The following SLC9A2 variants were observed in gnomAD, a reference collection of about 807,000 sequenced individuals.
The protein encoded by SLC9A2 is sodium/hydrogen exchanger 2.
SLC9A2 carries 42 observed loss-of-function variants against 71.7 expected under a neutral mutation model. The ratio of observed to expected loss-of-function variants is 0.59; its 90% CI spans 0.46 to 0.76. The LOEUF (loss-of-function observed/expected upper bound fraction) is 0.76. SLC9A2 is among the 30% of genes least tolerant of loss of function. The probability of loss-of-function intolerance (pLI) is 0.00; values close to 1 mark genes in which losing one functional copy is unlikely to be tolerated. For missense variants in SLC9A2, 829 were observed against 1,017.4 expected, an observed-to-expected ratio of 0.81 and a Z score of 2.52; for synonymous variants, 396 against 392.5, an observed-to-expected ratio of 1.01 and a Z score of -0.10.
At chr2:102,657,454 C>A in intron 1 of SLC9A2, 110 bp from the exon 2 acceptor site, 1 of 677,958 alleles carries the variant, frequency 1.5e-6, no homozygotes, top group Non-Finnish European at 2.5e-6. Flanking sequence ...GTGATACTGA[C>A]TTGGGAGATG....
intron 6 of SLC9A2, 110 bp downstream of exon 6, chr2:102,694,613 G>T: frequency 2.0e-6 from 1 of 497,056 alleles, no homozygotes; most frequent in Non-Finnish European, 3.6e-6. Context: ...GGAATGGCAG[G>T]GTGAGAGGGA....
At chr2:102,704,984 C>T (rs1677946429) in intron 10 of SLC9A2, among the ~76,000 whole-genome samples, 1 of 152,050 alleles carries the variant, frequency 6.6e-6, no homozygotes, top group South Asian at 2.1e-4. Flanking sequence ...GGTGGATTGC[C>T]TGAGCTCAGG....
rs991743330 is a variant in SLC9A2, at chr2:102,710,186, T to G, written c.*1697T>G. On this transcript the variant is annotated 3_prime_UTR_variant, in exon 12 of 12. Transcript: ENST00000233969. Reference sequence around the variant, plus strand: ...AGAATGCAATTTGAAAACTACAGGCTTAGGACTCTGTGCCAAAAATCTCTA... The same window carrying G: ...AGAATGCAATTTGAAAACTACAGGCGTAGGACTCTGTGCCAAAAATCTCTA... 1.3e-5 allele frequency: 2 copies of G among 152,764 alleles called. No homozygotes were observed. Among genetic ancestry groups the G allele is most frequent in the African/African-American group, 4.8e-5 (2 of 41,456 alleles). 9.5% of individuals were successfully genotyped at this position (152,764 alleles called of 1,614,324 possible). A position where few individuals can be genotyped will look rare whatever the true frequency, so the allele number is the denominator to read the frequency against.
At chr2:102,677,282 C>A (rs1383947131) in intron 3 of SLC9A2, among the ~76,000 whole-genome samples, 14 of 150,648 alleles carry the variant, frequency 9.3e-5, no homozygotes, top group Admixed American at 9.2e-4. Flanking sequence ...CTATTTCCAC[C>A]CACCCTCCCC....
At chr2:102,667,023 G>A (rs977252767) in intron 3 of SLC9A2, among the ~76,000 whole-genome samples, 11 of 152,146 alleles carry the variant, frequency 7.2e-5, no homozygotes, top group Non-Finnish European at 1.2e-4. Context: ...AAGCAGATGA[G>A]GTTTGTGGTG....
At chr2:102,673,586 G>A (rs1389270715) in intron 3 of SLC9A2, among the ~76,000 whole-genome samples, 1 of 152,032 alleles carries the variant, frequency 6.6e-6, no homozygotes, top group Non-Finnish European at 1.5e-5. Flanking sequence ...GTATTTTTGT[G>A]TAACTGAAAA....
chr2:102,709,059 A>G lies in SLC9A2; in HGVS notation c.*570A>G, dbSNP rs1300765531. 6.5e-6 allele frequency: 1 copy of G among 153,424 alleles called. No homozygotes were observed. The highest frequency in any genetic ancestry group is 1.5e-5 in the Non-Finnish European group (1 of 68,846). The allele number at this position is 153,424 out of a possible 1,614,324, so 9.5% of individuals were successfully genotyped here. A position where few individuals can be genotyped will look rare whatever the true frequency, so the allele number is the denominator to read the frequency against. On this transcript the variant is annotated 3_prime_UTR_variant, in exon 12 of 12. Transcript: ENST00000233969. ...AGACACCTTATGACTCAAACTGGGCAAACAATCGGAACGTCATGCAGAAGG... is the reference window on the plus strand; with the variant it reads ...AGACACCTTATGACTCAAACTGGGCGAACAATCGGAACGTCATGCAGAAGG...
Position 102,694,913 on chromosome 2 carries a change from G to A in SLC9A2, c.1516-130G>A, listed in dbSNP as rs907936676. ...GAAAATGAACTGTTTTATTGCTTTT[G>A]GTAATAAATAATAAACAAATAAGAA... is the stretch of plus-strand genomic sequence containing the variant. On this transcript the variant is annotated intron_variant, in intron 6 of 11. Coordinates refer to ENST00000233969, the MANE Select transcript of SLC9A2 (RefSeq NM_003048.6). 103 of 715,344 alleles carry A rather than the reference G, an allele frequency of 1.4e-4. No homozygotes were observed. In the African/African-American group the frequency reaches 1.7e-3, roughly 12 times the overall value. The allele number at this position is 715,344 out of a possible 1,614,324, so 44.3% of individuals were successfully genotyped here.
intron 11 of SLC9A2, among the ~76,000 whole-genome samples, chr2:102,707,847 T>G (rs559108749): frequency 3.3e-5 from 5 of 152,194 alleles, no homozygotes; most frequent in African/African-American, 4.8e-5. Flanking sequence ...GAAGACAAAA[T>G]GGGCTAATGC....
Position 102,694,450 on chromosome 2 carries a change from G to A in SLC9A2, c.1462G>A (p.Val488Ile), listed in dbSNP as rs757112975. Residue 488 changes from valine (V) to isoleucine (I), a missense_variant, in exon 6 of 12, where the codon GTC becomes ATC. By Grantham distance (29) the Val-to-Ile change is conservative. This residue lies in a region of SLC9A2 where 500 missense variants were observed against 726.3 expected (regional missense o/e 0.69). Transcript: ENST00000233969. ...TIRPLVEFLD[V>I]KRSNKKQQAV... ...TCGACCACTGGTGGAGTTTCTTGAT[G>A]TCAAGAGGTCCAATAAGAAACAACA... 3 of 1,538,534 alleles carry A rather than the reference G, an allele frequency of 1.9e-6. No individual in the cohort carries two copies. Among genetic ancestry groups the A allele is most frequent in the Non-Finnish European group, 2.7e-6 (3 of 1,132,028 alleles).
chr2:102,669,761 T>G (rs11681458), intron 3 of SLC9A2, among the ~76,000 whole-genome samples: 2 of 152,156 alleles, frequency 1.3e-5, no homozygotes, highest in Non-Finnish European at 2.9e-5. Flanking sequence ...ACACTAACAG[T>G]TGGATAAATT....
Position 102,685,077 on chromosome 2 carries a change from G to A in SLC9A2, c.1425+741G>A, listed in dbSNP as rs183252402. Among the ~76,000 whole-genome samples, 521 of 152,296 alleles carry A rather than the reference G, an allele frequency of 3.4e-3. 1 individual carries two copies. Among genetic ancestry groups the A allele is most frequent in the Admixed American group, 9.5e-3 (146 of 15,306 alleles). Reference sequence around the variant, plus strand: ...AGTCAAGCATGGTAAGGGTAAAGTCGTGGGGGAAATGTTACAATTCCAACA... The same window carrying A: ...AGTCAAGCATGGTAAGGGTAAAGTCATGGGGGAAATGTTACAATTCCAACA... On this transcript the variant is annotated intron_variant, in intron 5 of 11. Coordinates refer to ENST00000233969, the MANE Select transcript of SLC9A2 (RefSeq NM_003048.6).
At chr2:102,664,652 G>C (rs1677101907) in intron 2 of SLC9A2, among the ~76,000 whole-genome samples, 1 of 152,064 alleles carries the variant, frequency 6.6e-6, no homozygotes, top group Non-Finnish European at 1.5e-5. Flanking sequence ...GGTCCCTTCT[G>C]TCATGTGGCT....
At chr2:102,620,302 A>T (rs1455477971) in intron 1 of SLC9A2, among the ~76,000 whole-genome samples, 165 bp downstream of exon 1, 1 of 152,224 alleles carries the variant, frequency 6.6e-6, no homozygotes, top group Admixed American at 6.5e-5. Flanking sequence ...GACCCTTGGA[A>T]GAGCAGTTTC....
chr2:102,674,742 T>C (rs534981114), intron 3 of SLC9A2, among the ~76,000 whole-genome samples: 2 of 152,302 alleles, frequency 1.3e-5, no homozygotes, highest in South Asian at 2.1e-4. Flanking sequence ...TGCGAATAAA[T>C]ACATTTTTGA....
intron 7 of SLC9A2, among the ~76,000 whole-genome samples, chr2:102,695,792 T>TATATATA (rs1558723256): frequency 5.3e-4 from 21 of 39,848 alleles, no homozygotes; most frequent in African/African-American, 1.5e-3. Flanking sequence ...ATATATATTA[T>TATATATA]ATATATATTA....
chr2:102,695,803 T>TATATATATAATATATATTATATATATA (rs1677754601), intron 7 of SLC9A2, among the ~76,000 whole-genome samples: 1 of 75,698 alleles, frequency 1.3e-5, no homozygotes, highest in Non-Finnish European at 2.7e-5. Context: ...ATATATATTA[T>TATATATATAATATATATTATATATATA]ATATATATAT....
At chr2:102,630,681 ATT>A (rs1676339463) in intron 1 of SLC9A2, among the ~76,000 whole-genome samples, 1 of 151,508 alleles carries the variant, frequency 6.6e-6, no homozygotes, top group Admixed American at 6.6e-5. Flanking sequence ...CTCTCAGTGC[ATT>A]TCTAATCTGT....
chr2:102,683,920 T>C (rs958615640), intron 4 of SLC9A2, among the ~76,000 whole-genome samples: 2 of 152,200 alleles, frequency 1.3e-5, no homozygotes, highest in Non-Finnish European at 2.9e-5. Flanking sequence ...GTTTGTCTTG[T>C]CTTCTCTGAT....
Sources: allele counts gnomAD v4.1 joint callset (sites outside exome capture counted in the v4.1 genomes callset), GRCh38; gene constraint gnomAD v4.1.1; regional missense constraint gnomAD v4.1.1; transcripts MANE v1.5; gene names NCBI Gene and HGNC (gene_info 2026-07-23, HGNC 2026-07-21).